The following CREB5 variants were observed in gnomAD, a reference collection of about 807,000 sequenced individuals.
CREB5 encodes the protein cyclic AMP-responsive element-binding protein 5.
A neutral mutation model predicts 57.1 loss-of-function variants in CREB5; 19 were observed. That is an observed-to-expected ratio of 0.33 (90% CI 0.23 to 0.49). The LOEUF (loss-of-function observed/expected upper bound fraction) is 0.49, where lower values mean the gene tolerates loss of function less well. Among genes scored for constraint, CREB5 ranks in the 20% least tolerant of loss-of-function variants. The pLI is 0.99. For missense variants in CREB5, 579 were observed against 671.6 expected, an observed-to-expected ratio of 0.86 and a Z score of 1.52; for synonymous variants, 238 against 238.3, an observed-to-expected ratio of 1.00 and a Z score of 0.01.
intron 5 of CREB5, among the ~76,000 whole-genome samples, chr7:28,608,115 ACACACACT>A (rs779056721): frequency 0.024 from 2,618 of 110,678 alleles, 37 homozygotes; most frequent in Middle Eastern, 0.039. Context: ...TCTCTCTCTC[ACACACACT>A]CACACACACA....
chr7:28,799,191 C>T (rs1341314597), intron 7 of CREB5, among the ~76,000 whole-genome samples: 3 of 152,182 alleles, frequency 2.0e-5, no homozygotes, highest in Non-Finnish European at 1.5e-5. Flanking sequence ...CACTGCATTC[C>T]TTCAAATATG....
Position 28,821,735 on chromosome 7 carries a change from A to G in CREB5, c.*2456A>G, listed in dbSNP as rs977102900. On this transcript the variant is annotated 3_prime_UTR_variant, in exon 11 of 11. Transcript: ENST00000357727. ...TCAAAATTCTTTCCTAGGACCATCT[A>G]TGTGTCTCCCCTCCCCTCCACAAAA... 1 of 152,442 alleles carries G rather than the reference A, an allele frequency of 6.6e-6. No individual in the cohort carries two copies. The highest frequency in any genetic ancestry group is 1.9e-4 in the East Asian group (1 of 5,198). The allele number at this position is 152,442 out of a possible 1,614,324, so 9.4% of individuals were successfully genotyped here. A position where few individuals can be genotyped will look rare whatever the true frequency, so the allele number is the denominator to read the frequency against.
At chr7:28,306,568 T>TTTTTTTTTTTTTTTTGTTTG (rs1785191302) in intron 1 of CREB5, among the ~76,000 whole-genome samples, 3 of 132,714 alleles carry the variant, frequency 2.3e-5, no homozygotes, top group Non-Finnish European at 4.9e-5. Flanking sequence ...TTTTTTTTTT[T>TTTTTTTTTTTTTTTTGTTTG]TTTTTTTTTT....
chr7:28,595,768 G>A (rs1303064937), intron 5 of CREB5, among the ~76,000 whole-genome samples: 1 of 152,154 alleles, frequency 6.6e-6, no homozygotes, highest in Non-Finnish European at 1.5e-5. Flanking sequence ...GGGAATAATT[G>A]AGAGATCATA....
At chr7:28,813,391 T>C in intron 9 of CREB5, among the ~76,000 whole-genome samples, 1 of 152,216 alleles carries the variant, frequency 6.6e-6, no homozygotes. Context: ...ATAATTGCTT[T>C]TCTTTTTTAG....
At chr7:28,785,927 C>A (rs1182811815) in intron 7 of CREB5, among the ~76,000 whole-genome samples, 1 of 152,156 alleles carries the variant, frequency 6.6e-6, no homozygotes, top group South Asian at 2.1e-4. Flanking sequence ...CATATGGAAA[C>A]CTCTGAGCAG....
chr7:28,632,124 C>T (rs554855453), intron 5 of CREB5, among the ~76,000 whole-genome samples: 304 of 152,314 alleles, frequency 2.0e-3, no homozygotes, highest in Middle Eastern at 3.4e-3. Flanking sequence ...AGAGTCAAGA[C>T]TAACATTCCA....
At chr7:28,676,074 G>C (rs1017266999) in intron 5 of CREB5, among the ~76,000 whole-genome samples, 2 of 152,092 alleles carry the variant, frequency 1.3e-5, no homozygotes, top group African/African-American at 2.4e-5. Context: ...CTCTGAGTAA[G>C]GGGGTATAAA....
intron 5 of CREB5, among the ~76,000 whole-genome samples, chr7:28,609,408 A>T (rs997198787): frequency 3.9e-5 from 6 of 152,198 alleles, no homozygotes; most frequent in African/African-American, 1.4e-4. Context: ...CATTTAACAA[A>T]TGCCTGTTAA....
At chr7:28,421,293 C>T (rs949839022) in intron 1 of CREB5, among the ~76,000 whole-genome samples, 1 of 152,134 alleles carries the variant, frequency 6.6e-6, no homozygotes, top group African/African-American at 2.4e-5. Flanking sequence ...GGCCTCAGTT[C>T]CATCCAAGGT....
chr7:28,763,625 G>A (rs1805786139), intron 7 of CREB5, among the ~76,000 whole-genome samples: 1 of 152,052 alleles, frequency 6.6e-6, no homozygotes, highest in Admixed American at 6.5e-5. Context: ...CTGAACATAA[G>A]AAGGGCCCTT....
chr7:28,562,454 G>C (rs1795312984), intron 4 of CREB5, among the ~76,000 whole-genome samples: 1 of 152,236 alleles, frequency 6.6e-6, no homozygotes, highest in Non-Finnish European at 1.5e-5. Flanking sequence ...AAGAATGACA[G>C]AGTTCTGGGG....
chr7:28,582,242 G>T (rs557944792), intron 5 of CREB5, among the ~76,000 whole-genome samples: 35 of 146,118 alleles, frequency 2.4e-4, no homozygotes, highest in African/African-American at 8.6e-4. Context: ...TAGAGTTGCT[G>T]CTTTTTCGTT....
At position 28,507,823 on chromosome 7, in the gene CREB5, G is replaced by A. The variant is rs1011597678; in HGVS notation, c.291+86G>A. 5.8e-6 allele frequency: 8 copies of A among 1,386,040 alleles called. 1 individual carries two copies. In the South Asian group the frequency reaches 1.5e-4, roughly 27 times the overall value. 85.9% of individuals were successfully genotyped at this position (1,386,040 alleles called of 1,614,324 possible). A position where few individuals can be genotyped will look rare whatever the true frequency, so the allele number is the denominator to read the frequency against. On this transcript the variant is annotated intron_variant, in intron 4 of 10. Coordinates refer to ENST00000357727, the MANE Select transcript of CREB5 (RefSeq NM_182898.4). ...TAGGTGGCACTGCACTGCAGATTGT[G>A]TTGATGTGGCCTTGAAGTATTTTAG...
intron 1 of CREB5, among the ~76,000 whole-genome samples, chr7:28,382,385 G>A (rs1054574554): frequency 5.9e-5 from 9 of 152,262 alleles, no homozygotes; most frequent in South Asian, 2.1e-4. Context: ...CAGCAGAAGC[G>A]TGGCAGGCTC....
intron 1 of CREB5, among the ~76,000 whole-genome samples, chr7:28,403,834 A>G (rs929560903): frequency 1.3e-5 from 2 of 152,216 alleles, no homozygotes; most frequent in Non-Finnish European, 2.9e-5. Context: ...TCTCTCTTGC[A>G]AAGTCAGTCT....
chr7:28,410,432 C>T (rs1363287260), upstream of CREB5: 15 of 456,612 alleles, frequency 3.3e-5, no homozygotes, highest in Non-Finnish European at 5.7e-5. Context: ...GAACTTTTCA[C>T]GAAGTTCTTA....
At chr7:28,752,308 A>T (rs1310780015) in intron 7 of CREB5, among the ~76,000 whole-genome samples, 3 of 152,188 alleles carry the variant, frequency 2.0e-5, no homozygotes, top group Non-Finnish European at 2.9e-5. Flanking sequence ...CCAGGATTAC[A>T]GGTGTCCGCT....
intron 1 of CREB5, among the ~76,000 whole-genome samples, chr7:28,414,426 A>G (rs1404200385): frequency 6.6e-6 from 1 of 152,128 alleles, no homozygotes; most frequent in African/African-American, 2.4e-5. Flanking sequence ...ATTTAAATCT[A>G]TGACTATTTC....
Sources: allele counts gnomAD v4.1 joint callset (sites outside exome capture counted in the v4.1 genomes callset), GRCh38; gene constraint gnomAD v4.1.1; transcripts MANE v1.5; gene names NCBI Gene and HGNC (gene_info 2026-07-23, HGNC 2026-07-21).